The following PDE7B variants were observed in gnomAD, a reference collection of about 807,000 sequenced individuals.
PDE7B encodes 3',5'-cyclic-AMP phosphodiesterase 7B.
Under a neutral mutation model 56.2 loss-of-function variants are expected in PDE7B, and 29 were observed. The ratio of observed to expected loss-of-function variants is 0.52; its 90% CI spans 0.38 to 0.70. The LOEUF is 0.70. Among genes scored for constraint, PDE7B ranks in the 30% least tolerant of loss-of-function variants. The probability of loss-of-function intolerance (pLI) is 0.00; values close to 1 mark genes in which losing one functional copy is unlikely to be tolerated. For synonymous variants in PDE7B, 197 were observed against 196.9 expected, an observed-to-expected ratio of 1.00 and a Z score of 0.00; for missense variants, 490 against 565.0, an observed-to-expected ratio of 0.87 and a Z score of 1.35.
chr6:136,000,884 C>A (rs1448210678), intron 2 of PDE7B, among the ~76,000 whole-genome samples: 5 of 152,212 alleles, frequency 3.3e-5, no homozygotes, highest in South Asian at 2.1e-4. Context: ...TGAGAATGGG[C>A]AGACTGCCTC....
At position 135,948,498 on chromosome 6, in the gene PDE7B, G is replaced by A. The variant is rs546426082; in HGVS notation, c.82+974G>A. ...CAGACAGCAAGTTAAATAGAGGCAG[G>A]CAAAGATCTTGGTAATTTATAATTC... is the stretch of plus-strand genomic sequence containing the variant. On this transcript the variant is annotated intron_variant, in intron 2 of 12. Coordinates refer to ENST00000308191, the MANE Select transcript of PDE7B (RefSeq NM_018945.4). Among the ~76,000 whole-genome samples the A allele has an allele frequency of 3.3e-5, 5 of 151,986 alleles. 1 individual carries two copies. The South Asian group carries it at 1.0e-3, about 32-fold the overall frequency.
intron 2 of PDE7B, among the ~76,000 whole-genome samples, chr6:136,073,217 C>A (rs1372768067): frequency 1.3e-5 from 2 of 152,184 alleles, no homozygotes; most frequent in Non-Finnish European, 2.9e-5. Context: ...TCCATAAACT[C>A]AACGTGTGCA....
intron 2 of PDE7B, chr6:136,064,465 G>A (rs1394119429): frequency 1.3e-5 from 2 of 152,206 alleles, no homozygotes; most frequent in Admixed American, 1.3e-4. Context: ...AGACCACTTA[G>A]GCTGTTACCC....
At chr6:136,139,671 G>A (rs545464964) in intron 3 of PDE7B, among the ~76,000 whole-genome samples, 4 of 152,300 alleles carry the variant, frequency 2.6e-5, no homozygotes, top group East Asian at 1.9e-4. Context: ...TCTAACTGGT[G>A]TGAGATGGTA....
At chr6:136,003,357 A>G (rs909931259) in intron 2 of PDE7B, among the ~76,000 whole-genome samples, 5 of 152,116 alleles carry the variant, frequency 3.3e-5, no homozygotes, top group African/African-American at 9.6e-5. Flanking sequence ...AAATCAGAGC[A>G]GAACTGAAGG....
chr6:136,191,723 G>T lies in PDE7B; in HGVS notation c.1236G>T (p.Gln412His). 6.2e-7 allele frequency: 1 copy of T among 1,611,446 alleles called. No individual in the cohort carries two copies. Among genetic ancestry groups the T allele is most frequent in the Non-Finnish European group, 8.5e-7 (1 of 1,178,854 alleles). Reference sequence around the variant, plus strand: ...GCCACCTCGCACACAACAAGGCCCAGTGGAAGAGCCTGTTGCCCAGGCAGC... The same window carrying T: ...GCCACCTCGCACACAACAAGGCCCATTGGAAGAGCCTGTTGCCCAGGCAGC... ...MLGHLAHNKA[Q>H]WKSLLPRQHR... The change falls in exon 13 of 13, where the codon CAG becomes CAT. Residue 412 changes from glutamine (Q) to histidine (H), a missense_variant. Physicochemically the swap from Gln to His is conservative, Grantham distance 24 (BLOSUM62 0). Transcript: ENST00000308191.
At chr6:135,853,573 CAGTTAACT>C (rs1366556615) in intron 1 of PDE7B, among the ~76,000 whole-genome samples, 1 of 152,184 alleles carries the variant, frequency 6.6e-6, no homozygotes, top group Non-Finnish European at 1.5e-5. Context: ...TAGAAGCCCA[CAGTTAACT>C]AGTTGCAACT....
intron 1 of PDE7B, among the ~76,000 whole-genome samples, chr6:135,934,379 TA>T (rs1774351839): frequency 6.6e-6 from 1 of 152,106 alleles, no homozygotes; most frequent in Admixed American, 6.6e-5. Context: ...AAATTTTATT[TA>T]TTTATTTAAT....
At chr6:136,064,696 A>G (rs1007880803) in intron 2 of PDE7B, 2 of 152,186 alleles carry the variant, frequency 1.3e-5, no homozygotes, top group Non-Finnish European at 2.9e-5. Flanking sequence ...AAGCAAGTCA[A>G]TTCCCGTGGC....
At chr6:135,999,105 A>T (rs1197806211) in intron 2 of PDE7B, among the ~76,000 whole-genome samples, 1 of 152,204 alleles carries the variant, frequency 6.6e-6, no homozygotes. Flanking sequence ...GGAATCAGAG[A>T]ACTTCAGTCA....
intron 8 of PDE7B, among the ~76,000 whole-genome samples, chr6:136,164,256 G>A (rs148690416): frequency 1.3e-5 from 2 of 152,246 alleles, no homozygotes; most frequent in African/African-American, 4.8e-5. Flanking sequence ...GCCAAGCCAA[G>A]GGGATAAAGC....
intron 1 of PDE7B, among the ~76,000 whole-genome samples, chr6:135,873,917 A>G (rs765230236): frequency 1.1e-4 from 17 of 152,318 alleles, no homozygotes; most frequent in Non-Finnish European, 1.8e-4. Context: ...GGAACTACTA[A>G]GCTAGATGTT....
At chr6:135,949,430 C>A (rs1225559535) in intron 2 of PDE7B, among the ~76,000 whole-genome samples, 1 of 152,008 alleles carries the variant, frequency 6.6e-6, no homozygotes, top group Non-Finnish European at 1.5e-5. Context: ...ACAATCCTGA[C>A]CGCCAAATAT....
intron 2 of PDE7B, among the ~76,000 whole-genome samples, chr6:136,011,070 ATTTG>A (rs1337863613): frequency 5.3e-5 from 8 of 152,164 alleles, no homozygotes; most frequent in Non-Finnish European, 5.9e-5. Context: ...GCTGGGGTTC[ATTTG>A]TTTGTTTTAC....
At chr6:136,057,046 G>T (rs1366873188) in intron 2 of PDE7B, among the ~76,000 whole-genome samples, 2 of 152,098 alleles carry the variant, frequency 1.3e-5, no homozygotes. Flanking sequence ...TTTCTCATTT[G>T]TAAGATGGAA....
intron 3 of PDE7B, among the ~76,000 whole-genome samples, chr6:136,137,403 T>C (rs1232922582): frequency 6.6e-6 from 1 of 152,134 alleles, no homozygotes; most frequent in Non-Finnish European, 1.5e-5. Context: ...AGAGGTTCAG[T>C]TGGACTGATG....
chr6:135,929,440 A>ACTG (rs1227857338), intron 1 of PDE7B, among the ~76,000 whole-genome samples: 1 of 152,208 alleles, frequency 6.6e-6, no homozygotes, highest in Non-Finnish European at 1.5e-5. Flanking sequence ...TATAAAATAT[A>ACTG]CTGCAGATTT....
intron 1 of PDE7B, among the ~76,000 whole-genome samples, chr6:135,925,158 T>TA (rs1405430401): frequency 6.6e-6 from 1 of 152,134 alleles, no homozygotes; most frequent in South Asian, 2.1e-4. Flanking sequence ...ATTTAATATT[T>TA]AAAAAATAAA....
intron 1 of PDE7B, among the ~76,000 whole-genome samples, chr6:135,945,363 T>C (rs573599529): frequency 2.0e-5 from 3 of 152,164 alleles, no homozygotes; most frequent in Admixed American, 2.0e-4. Flanking sequence ...GGATCTCCAT[T>C]GAGAACTCAA....
Sources: allele counts gnomAD v4.1 joint callset (sites outside exome capture counted in the v4.1 genomes callset), GRCh38; gene constraint gnomAD v4.1.1; transcripts MANE v1.5; gene names NCBI Gene and HGNC (gene_info 2026-07-23, HGNC 2026-07-21).